VPS53: variants seen among roughly 807,000 people sequenced by gnomAD.
VPS53 encodes vacuolar protein sorting-associated protein 53 homolog.
In VPS53, 70 loss-of-function variants were observed where a neutral mutation model predicts 107.0. The observed-to-expected ratio is 0.65, with a 90% confidence interval of 0.54 to 0.80. The LOEUF is 0.80. VPS53 is among the 30% of genes least tolerant of loss of function. The pLI, the probability that VPS53 is intolerant of heterozygous loss-of-function variation, is 0.00. For synonymous variants in VPS53, 409 were observed against 393.3 expected, an observed-to-expected ratio of 1.04 and a Z score of -0.47; for missense variants, 917 against 1,049.4, an observed-to-expected ratio of 0.87 and a Z score of 1.74.
chr17:579,419 G>A (rs1024241384), intron 13 of VPS53, among the ~76,000 whole-genome samples: 1 of 145,534 alleles, frequency 6.9e-6, no homozygotes, highest in African/African-American at 2.6e-5. Context: ...CCACCCTCAG[G>A]ACCTAATGTG....
At chr17:707,180 T>C (rs540665689) in intron 2 of VPS53, among the ~76,000 whole-genome samples, 2 of 152,310 alleles carry the variant, frequency 1.3e-5, no homozygotes, top group East Asian at 3.9e-4. Context: ...TACTCACATA[T>C]GTATATAATA....
At chr17:601,623 C>CT (rs1247515422) in intron 12 of VPS53, among the ~76,000 whole-genome samples, 172 bp downstream of exon 12, 3 of 152,134 alleles carry the variant, frequency 2.0e-5, no homozygotes, top group Non-Finnish European at 4.4e-5. Flanking sequence ...GAAGTCTGCC[C>CT]TTTCATGGAG....
chr17:577,028 C>T (rs895182448), intron 13 of VPS53, among the ~76,000 whole-genome samples: 2 of 149,970 alleles, frequency 1.3e-5, no homozygotes, highest in African/African-American at 4.9e-5. Context: ...CCAGAAACCT[C>T]GCTCAGGATC....
intron 17 of VPS53, among the ~76,000 whole-genome samples, chr17:550,800 G>A (rs1911749281): frequency 6.6e-6 from 1 of 151,786 alleles, no homozygotes; most frequent in Non-Finnish European, 1.5e-5. Context: ...AGGAAGATGA[G>A]GTAGCGCTCA....
chr17:631,491 G>A (rs1567691392), intron 8 of VPS53, 59 bp downstream of exon 8: 2 of 1,547,914 alleles, frequency 1.3e-6, no homozygotes, highest in East Asian at 4.5e-5. Flanking sequence ...ACTGGGGTGA[G>A]CGTGAGCTCG....
intron 2 of VPS53, among the ~76,000 whole-genome samples, chr17:701,097 G>A (rs1973180348): frequency 6.6e-6 from 1 of 152,294 alleles, no homozygotes; most frequent in African/African-American, 2.4e-5. Flanking sequence ...GCTAAGGTGG[G>A]AGGATCACTT....
intron 4 of VPS53, among the ~76,000 whole-genome samples, chr17:694,272 C>T (rs1972870767): frequency 6.6e-6 from 1 of 152,158 alleles, no homozygotes; most frequent in African/African-American, 2.4e-5. Context: ...TGAAATACGA[C>T]CTGCTCTGCT....
At chr17:584,077 G>A (rs776563959) in intron 13 of VPS53, among the ~76,000 whole-genome samples, 3 of 152,140 alleles carry the variant, frequency 2.0e-5, no homozygotes, top group Non-Finnish European at 2.9e-5. Flanking sequence ...TGTTTCCAGA[G>A]ATCTTCCCTC....
At chr17:538,783 T>A (rs1320838728) in intron 17 of VPS53, 1 of 152,218 alleles carries the variant, frequency 6.6e-6, no homozygotes, top group Non-Finnish European at 1.5e-5. Context: ...AATTTATTAC[T>A]GGGAAAAAAC....
Position 563,589 on chromosome 17 carries a change from C to A in VPS53, c.1314-844G>T, listed in dbSNP as rs371611751. The stretch of plus-strand genomic sequence containing the variant: ...GATTACAGGTGTGAGCCACTCACTG[C>A]GCCCAGCTCATTTACTTTTTACAAT... On this transcript the variant is annotated intron_variant, in intron 13 of 21. Transcript: ENST00000437048. Among the ~76,000 whole-genome samples the A allele has an allele frequency of 1.0e-3, 155 of 152,284 alleles. 3 individuals carry two copies. Among genetic ancestry groups the A allele is most frequent in the African/African-American group, 3.7e-3 (155 of 41,566 alleles).
chr17:695,392 T>C (rs1972921127), intron 4 of VPS53, among the ~76,000 whole-genome samples: 1 of 151,676 alleles, frequency 6.6e-6, no homozygotes, highest in African/African-American at 2.4e-5. Context: ...CTTAAAGAAA[T>C]AGGAGGAAAA....
rs185130740 is a variant in VPS53, at chr17:650,846, A to G, written c.608+2445T>C. On this transcript the variant is annotated intron_variant, in intron 7 of 21. Coordinates refer to ENST00000437048, the MANE Select transcript of VPS53 (RefSeq NM_001128159.3). ...GAAATAATCTGTGGTATGTCACGCT[A>G]TGGGGTTCTGTGCATCAATTCCAGA... is the stretch of plus-strand genomic sequence containing the variant. 1.0e-3 allele frequency among the ~76,000 whole-genome samples: 156 copies of G among 152,336 alleles called. 1 individual carries two copies. The highest frequency in any genetic ancestry group is 3.3e-3 in the African/African-American group (139 of 41,576).
chr17:534,725 C>T (rs1909885961), intron 18 of VPS53, among the ~76,000 whole-genome samples: 1 of 152,146 alleles, frequency 6.6e-6, no homozygotes, highest in Non-Finnish European at 1.5e-5. Context: ...TGAGACCAGC[C>T]TGGGCAACAT....
Position 532,680 on chromosome 17 carries a change from GGAA to G in VPS53, c.2085+159_2085+161del. ...TCAAACAAAATTTTTAAAAATAAAT[GGAA>G]GAACGAATTAAGAAACCTTCCGGGT... On this transcript the variant is annotated intron_variant, in intron 19 of 21. Transcript: ENST00000437048. The G allele has an allele frequency of 3.5e-6, 5 of 1,409,826 alleles. No homozygotes were observed. In the South Asian group the frequency reaches 8.4e-5, roughly 24 times the overall value. 87.3% of individuals were successfully genotyped at this position (1,409,826 alleles called of 1,614,324 possible).
intron 13 of VPS53, among the ~76,000 whole-genome samples, chr17:564,471 C>T (rs922163056): frequency 4.8e-5 from 7 of 146,732 alleles, no homozygotes; most frequent in African/African-American, 1.0e-4. Context: ...ACCCGGGAGG[C>T]GGAGCTTGCA....
chr17:588,161 T>C (rs562681687), intron 12 of VPS53, among the ~76,000 whole-genome samples: 31 of 152,122 alleles, frequency 2.0e-4, no homozygotes, highest in African/African-American at 6.7e-4. Context: ...ACTAAAAAAA[T>C]ACAAAAATTA....
chr17:654,993 C>G (rs1323509943), intron 6 of VPS53, among the ~76,000 whole-genome samples: 1 of 152,108 alleles, frequency 6.6e-6, no homozygotes, highest in African/African-American at 2.4e-5. Context: ...CATCCAATAC[C>G]TAGAGAGGTC....
At chr17:673,784 A>C (rs1182125537) in intron 4 of VPS53, 1 of 152,222 alleles carries the variant, frequency 6.6e-6, no homozygotes, top group Non-Finnish European at 1.5e-5. Flanking sequence ...AAACGGAGTA[A>C]TTCTCACCTT....
intron 19 of VPS53, among the ~76,000 whole-genome samples, chr17:531,773 C>CTTTTTTTTTT (rs71145747): frequency 5.8e-5 from 5 of 86,676 alleles, no homozygotes; most frequent in African/African-American, 1.0e-4. Context: ...GGGATTTATT[C>CTTTTTTTTTT]TTTTTTTTTT....
Sources: gnomAD v4.1 joint callset for allele counts (sites outside exome capture counted in the v4.1 genomes callset) on GRCh38, gnomAD v4.1.1 for gene constraint, MANE v1.5 for transcripts, NCBI Gene and HGNC (gene_info 2026-07-23, HGNC 2026-07-21) for gene names.